PTPRA: variants seen among roughly 807,000 people sequenced by gnomAD.
The protein encoded by PTPRA is protein tyrosine phosphatase receptor type A.
PTPRA carries 25 observed loss-of-function variants against 104.8 expected under a neutral mutation model. The observed-to-expected ratio is 0.24, with a 90% CI of 0.17 to 0.33. The LOEUF is 0.33. Ranked by LOEUF, PTPRA falls within the 10% of genes least tolerant of loss-of-function variation. The pLI is 1.00. For missense variants in PTPRA, 765 were observed against 1,015.3 expected, an observed-to-expected ratio of 0.75 and a Z score of 3.35; for synonymous variants, 323 against 368.9, an observed-to-expected ratio of 0.88 and a Z score of 1.43.
At chr20:2,978,979 T>G (rs568669453) in intron 6 of PTPRA, among the ~76,000 whole-genome samples, 1 of 152,336 alleles carries the variant, frequency 6.6e-6, no homozygotes, top group Admixed American at 6.5e-5. Context: ...ATCTCTTCCC[T>G]TCATGTCAGA....
At chr20:2,966,139 C>T (rs754486863) in intron 5 of PTPRA, among the ~76,000 whole-genome samples, 10 of 152,176 alleles carry the variant, frequency 6.6e-5, no homozygotes, top group African/African-American at 1.9e-4. Context: ...TCTTTTACTG[C>T]GCCTTATAAC....
At chr20:3,017,696 G>GAT (rs2064535229) in intron 12 of PTPRA, 120 bp from the exon 13 acceptor site, 2 of 755,922 alleles carry the variant, frequency 2.6e-6, no homozygotes, top group Non-Finnish European at 4.5e-6. Flanking sequence ...ACATGGGTTA[G>GAT]ATATTTAGCT....
intron 3 of PTPRA, among the ~76,000 whole-genome samples, chr20:2,952,441 A>T (rs1178239278): frequency 6.6e-6 from 1 of 151,872 alleles, no homozygotes; most frequent in Admixed American, 6.6e-5. Flanking sequence ...GAGCTTTGAG[A>T]GTTCTTTATA....
At chr20:2,898,971 A>G (rs1159478721) in intron 1 of PTPRA, among the ~76,000 whole-genome samples, 1 of 152,272 alleles carries the variant, frequency 6.6e-6, no homozygotes, top group Non-Finnish European at 1.5e-5. Context: ...AGAAAATAAA[A>G]TATGTGCACT....
At chr20:2,926,430 A>G (rs2060296814) in intron 2 of PTPRA, among the ~76,000 whole-genome samples, 1 of 152,128 alleles carries the variant, frequency 6.6e-6, no homozygotes, top group South Asian at 2.1e-4. Context: ...CTCTATGCAT[A>G]TCTGTCTCTT....
At chr20:2,921,265 G>A (rs1484871451) in intron 1 of PTPRA, among the ~76,000 whole-genome samples, 2 of 150,564 alleles carry the variant, frequency 1.3e-5, no homozygotes, top group Non-Finnish European at 1.5e-5. Flanking sequence ...CTGAGCTTAC[G>A]AGATGTCTGT....
chr20:3,022,176 G>T lies in PTPRA; in HGVS notation c.1284G>T (p.Lys428Asn). ...TGCTCAAGTTCCTCAAGAAGGTGAAGGCCTGTAACCCTCAGTATGCAGGGG... is the reference window on the plus strand; with the variant it reads ...TGCTCAAGTTCCTCAAGAAGGTGAATGCCTGTAACCCTCAGTATGCAGGGG... ...IGMLKFLKKV[K>N]ACNPQYAGAI... Residue 428 changes from lysine (K) to asparagine (N), a missense_variant, in exon 15 of 24, where the codon AAG becomes AAT. Physicochemically the swap from Lys to Asn is moderately conservative, Grantham distance 94. This residue lies in a region of PTPRA where 245 missense variants were observed against 398.7 expected (regional missense o/e 0.61). Coordinates refer to ENST00000399903, the MANE Select transcript of PTPRA (RefSeq NM_001385305.1). This position sits in a 1 kb window ranked among gnomAD's most constrained non-coding sequence, Gnocchi z 4.6. 1 of 1,614,208 alleles carries T rather than the reference G, an allele frequency of 6.2e-7. No homozygotes were observed. The highest frequency in any genetic ancestry group is 8.5e-7 in the Non-Finnish European group (1 of 1,180,030).
rs1178141197 is a variant in PTPRA, at chr20:2,883,519, G to T, written c.-129+9759G>T. ...TACAAAAAATTAGCCGGGCGTGGTG[G>T]CGGGCGCCTGTAGTCCCAGCTACTC... On this transcript the variant is annotated intron_variant, in intron 1 of 23. Coordinates refer to ENST00000399903, the MANE Select transcript of PTPRA (RefSeq NM_001385305.1). 2.9e-5 allele frequency among the ~76,000 whole-genome samples: 2 copies of T among 70,162 alleles called. 1 individual carries two copies. The highest frequency in any genetic ancestry group is 2.4e-4 in the African/African-American group (2 of 8,352). The allele number at this position is 70,162 out of a possible 152,430, so 46.0% of individuals were successfully genotyped here.
At chr20:2,993,953 G>C (rs2063294241) in intron 9 of PTPRA, among the ~76,000 whole-genome samples, 1 of 152,194 alleles carries the variant, frequency 6.6e-6, no homozygotes, top group Non-Finnish European at 1.5e-5. Flanking sequence ...CGACAGACAG[G>C]TAAGATAGAT....
chr20:3,004,972 A>G lies in PTPRA; in HGVS notation c.739-84A>G, dbSNP rs917211397. On this transcript the variant is annotated intron_variant, in intron 9 of 23. Transcript: ENST00000399903. ...CCCCCAGGAAAAGGTAGAACATGCTACCAGGTCAGGGTTTGGTGCAGCAGT... is the reference window on the plus strand; with the variant it reads ...CCCCCAGGAAAAGGTAGAACATGCTGCCAGGTCAGGGTTTGGTGCAGCAGT... 1.5e-5 allele frequency: 18 copies of G among 1,221,048 alleles called. No individual in the cohort carries two copies. The African/African-American group carries it at 2.3e-4, about 15-fold the overall frequency. 75.6% of individuals were successfully genotyped at this position (1,221,048 alleles called of 1,614,324 possible). A position where few individuals can be genotyped will look rare whatever the true frequency, so the allele number is the denominator to read the frequency against.
At chr20:2,964,155 C>A in intron 3 of PTPRA, 117 bp from the exon 4 acceptor site, 1 of 810,100 alleles carries the variant, frequency 1.2e-6, no homozygotes, top group Non-Finnish European at 2.0e-6. Flanking sequence ...CCCAAAAGAT[C>A]ATTGGTTTAG....
chr20:3,037,633 C>T lies in PTPRA; in HGVS notation c.2334+344C>T, dbSNP rs12480089. 0.018 allele frequency among the ~76,000 whole-genome samples: 2,796 copies of T among 152,260 alleles called. 73 individuals are homozygous for T. The highest frequency in any genetic ancestry group is 0.052 in the African/African-American group (2,149 of 41,554). On this transcript the variant is annotated intron_variant, in intron 23 of 23. Coordinates refer to ENST00000399903, the MANE Select transcript of PTPRA (RefSeq NM_001385305.1). This position sits in a 1 kb window ranked among gnomAD's most constrained non-coding sequence, Gnocchi z 4.3. ...TGTTAAGAGGTCTGACTTTAATAAG[C>T]CGCACATCCACAGAGGTTTTCCTGA...
intron 9 of PTPRA, among the ~76,000 whole-genome samples, chr20:2,995,443 A>T (rs769116851): frequency 3.9e-5 from 6 of 151,996 alleles, no homozygotes; most frequent in Non-Finnish European, 8.8e-5. Context: ...TACCTTATTT[A>T]TGCATTTTAC....
At chr20:2,935,398 G>A (rs1321566792) in intron 2 of PTPRA, among the ~76,000 whole-genome samples, 2 of 152,052 alleles carry the variant, frequency 1.3e-5, no homozygotes, top group African/African-American at 4.8e-5. Context: ...ATCCATCAAT[G>A]AATGAAAACA....
At chr20:2,987,075 C>G (rs1221616119) in intron 7 of PTPRA, among the ~76,000 whole-genome samples, 2 of 152,128 alleles carry the variant, frequency 1.3e-5, no homozygotes, top group Non-Finnish European at 2.9e-5. Context: ...TCTGTCCAAG[C>G]CCAGTCTCCC....
chr20:2,903,380 T>G (rs562142120), intron 1 of PTPRA, among the ~76,000 whole-genome samples: 67 of 152,300 alleles, frequency 4.4e-4, no homozygotes, highest in African/African-American at 1.5e-3. Flanking sequence ...GGCTATTCCA[T>G]TTATATATAA....
intron 1 of PTPRA, among the ~76,000 whole-genome samples, chr20:2,887,559 C>A (rs2090454453): frequency 6.6e-6 from 1 of 152,142 alleles, no homozygotes; most frequent in Admixed American, 6.6e-5. Context: ...GAGATGATTG[C>A]TAGTTAATGA....
At chr20:2,934,842 T>G (rs2060633556) in intron 2 of PTPRA, among the ~76,000 whole-genome samples, 1 of 151,994 alleles carries the variant, frequency 6.6e-6, no homozygotes. Flanking sequence ...CAGCTAATTT[T>G]TGTATTTTTA....
At chr20:2,872,194 G>C (rs1394831794), upstream of PTPRA, among the ~76,000 whole-genome samples, 2 of 152,048 alleles carry the variant, frequency 1.3e-5, no homozygotes, top group Non-Finnish European at 1.5e-5. This position sits in a 1 kb window ranked among gnomAD's most constrained non-coding sequence, Gnocchi z 7.9. Context: ...ACAGAAGGCG[G>C]TGGTGGGGAC....
Sources: gnomAD v4.1 joint callset for allele counts (sites outside exome capture counted in the v4.1 genomes callset) on GRCh38, gnomAD v4.1.1 for gene constraint, gnomAD v4.1.1 regional missense constraint, Gnocchi (gnomAD v3.1) non-coding constraint, MANE v1.5 for transcripts, NCBI Gene and HGNC (gene_info 2026-07-23, HGNC 2026-07-21) for gene names.